The following VIPR2 variants were observed in gnomAD, a reference collection of about 807,000 sequenced individuals.
The protein encoded by VIPR2 is vasoactive intestinal peptide receptor 2.
Under a neutral mutation model 58.0 loss-of-function variants are expected in VIPR2, and 48 were observed. The ratio of observed to expected loss-of-function variants is 0.83; its 90% CI spans 0.66 to 1.05. The LOEUF (loss-of-function observed/expected upper bound fraction) is 1.05, where lower values mean the gene tolerates loss of function less well. VIPR2 is among the 50% of genes least tolerant of loss of function. VIPR2 has a pLI of 0.00. For missense variants in VIPR2, 534 were observed against 558.0 expected, an observed-to-expected ratio of 0.96 and a Z score of 0.43; for synonymous variants, 243 against 235.2, an observed-to-expected ratio of 1.03 and a Z score of -0.30.
chr7:159,103,806 G>T lies in VIPR2; in HGVS notation c.308C>A (p.Pro103Gln). The T allele has an allele frequency of 6.2e-7, 1 of 1,614,136 alleles. No individual in the cohort carries two copies. The highest frequency in any genetic ancestry group is 8.5e-7 in the Non-Finnish European group (1 of 1,180,032). The part of the protein sequence containing the change: ...CTSDGWSETF[P>Q]DFVDACGYSD... ...GTAGCCACAGGCATCGACGAAATCT[G>T]GGAACGTCTCTGACCATCCGTCACT... The change falls in exon 4 of 13, where the codon CCA (proline) becomes CAA (glutamine). Residue 103 changes from proline (P) to glutamine (Q), a missense_variant. By Grantham distance (76) the Pro-to-Gln change is moderately conservative. Transcript: ENST00000262178.
At chr7:159,072,836 T>C (rs2129494618) in intron 4 of VIPR2, among the ~76,000 whole-genome samples, 1 of 152,330 alleles carries the variant, frequency 6.6e-6, no homozygotes, top group South Asian at 2.1e-4. Flanking sequence ...GGAACATTAT[T>C]TTACACATTT....
At chr7:159,072,916 G>A (rs968516347) in intron 4 of VIPR2, among the ~76,000 whole-genome samples, 3 of 152,204 alleles carry the variant, frequency 2.0e-5, no homozygotes, top group African/African-American at 4.8e-5. Context: ...ACATTCTGGG[G>A]CTGTAAACAT....
intron 8 of VIPR2, among the ~76,000 whole-genome samples, chr7:159,035,579 G>A (rs909901255): frequency 6.6e-5 from 10 of 152,234 alleles, no homozygotes; most frequent in South Asian, 4.1e-4. Flanking sequence ...GAAGTGCCGG[G>A]GGGCCCTGCA....
chr7:159,085,924 C>CG (rs1857145676), intron 4 of VIPR2, among the ~76,000 whole-genome samples: 1 of 152,114 alleles, frequency 6.6e-6, no homozygotes, highest in South Asian at 2.1e-4. Context: ...GCTGTGATGG[C>CG]GGGTCCTTGT....
chr7:159,134,246 T>C lies in VIPR2; in HGVS notation c.151+8200A>G, dbSNP rs193029927. Reference sequence around the variant, plus strand: ...ATGCCATTTAATAACTATGATATCATGTACTTCCTAATTCACAGTGCATAT... The same window carrying C: ...ATGCCATTTAATAACTATGATATCACGTACTTCCTAATTCACAGTGCATAT... On this transcript the variant is annotated intron_variant, in intron 2 of 12. Coordinates refer to ENST00000262178, the MANE Select transcript of VIPR2 (RefSeq NM_003382.5). 9.8e-5 allele frequency among the ~76,000 whole-genome samples: 15 copies of C among 152,364 alleles called. No homozygotes were observed. The East Asian group carries it at 1.2e-3, about 12-fold the overall frequency.
chr7:159,096,562 C>T lies in VIPR2; in HGVS notation c.357+7195G>A, dbSNP rs1193413585. On this transcript the variant is annotated intron_variant, in intron 4 of 12. Transcript: ENST00000262178. The surrounding 1 kb of genome is among the most constrained non-coding windows in gnomAD (Gnocchi z 5.5). ...AACTTGGAGACCCAATCGCCATCCC[C>T]AGGCACCAGCGTATCTGTGCATTTC... Among the ~76,000 whole-genome samples, 1 of 152,262 alleles carries T rather than the reference C, an allele frequency of 6.6e-6. No individual in the cohort carries two copies. The highest frequency in any genetic ancestry group is 1.5e-5 in the Non-Finnish European group (1 of 68,046).
At chr7:159,033,050 G>A (rs897683828) in intron 10 of VIPR2, among the ~76,000 whole-genome samples, 19 of 152,056 alleles carry the variant, frequency 1.2e-4, no homozygotes, top group African/African-American at 4.1e-4. Flanking sequence ...TAGATTCTCT[G>A]GTTTACCAGA....
At chr7:159,059,225 A>G (rs1855494069) in intron 4 of VIPR2, 1 of 470,976 alleles carries the variant, frequency 2.1e-6, no homozygotes, top group African/African-American at 2.0e-5. Context: ...TCCTACACAA[A>G]AAGAACTGGG....
At chr7:159,085,373 G>A (rs1423441281) in intron 4 of VIPR2, among the ~76,000 whole-genome samples, 1 of 152,150 alleles carries the variant, frequency 6.6e-6, no homozygotes, top group African/African-American at 2.4e-5. Context: ...TCAGTTTACT[G>A]CAACCTCTGC....
chr7:159,061,147 C>T (rs1032007777), intron 4 of VIPR2, among the ~76,000 whole-genome samples: 3 of 152,006 alleles, frequency 2.0e-5, no homozygotes, highest in Admixed American at 1.3e-4. Flanking sequence ...CCAAATACCA[C>T]GTGTTCTCGT....
rs1797011054 is a variant in VIPR2 at position 159,132,892 on chromosome 7, TCA to T, written c.151+9552_151+9553del. ...AGAATGATTGGCATACAGATTGATT[TCA>T]GACAGAATGATTGGCATACAGATTG... On this transcript the variant is annotated intron_variant, in intron 2 of 12. Coordinates refer to ENST00000262178, the MANE Select transcript of VIPR2 (RefSeq NM_003382.5). 7.3e-4 allele frequency among the ~76,000 whole-genome samples: 92 copies of T among 126,784 alleles called. 3 individuals carry two copies. The highest frequency in any genetic ancestry group is 1.7e-3 in the East Asian group (8 of 4,666). 83.2% of individuals were successfully genotyped at this position (126,784 alleles called of 152,430 possible). A position where few individuals can be genotyped will look rare whatever the true frequency, so the allele number is the denominator to read the frequency against.
intron 2 of VIPR2, among the ~76,000 whole-genome samples, chr7:159,110,124 G>A (rs973781763): frequency 2.6e-5 from 4 of 152,232 alleles, no homozygotes; most frequent in African/African-American, 9.6e-5. Flanking sequence ...AAGCATTTGA[G>A]TACTTCAATG....
intron 2 of VIPR2, among the ~76,000 whole-genome samples, chr7:159,133,514 C>CAA (rs1797073363): frequency 6.6e-6 from 1 of 152,280 alleles, no homozygotes; most frequent in Non-Finnish European, 1.5e-5. Flanking sequence ...TATGTATTAA[C>CAA]AAAAGACTTT....
intron 4 of VIPR2, among the ~76,000 whole-genome samples, chr7:159,069,668 C>T (rs993704599): frequency 2.0e-5 from 3 of 152,104 alleles, no homozygotes; most frequent in Admixed American, 2.0e-4. Context: ...TGTACGGATC[C>T]TTCCTGGTCC....
chr7:159,071,659 T>C (rs765582567), intron 4 of VIPR2, among the ~76,000 whole-genome samples: 13 of 152,222 alleles, frequency 8.5e-5, no homozygotes, highest in Non-Finnish European at 1.3e-4. Flanking sequence ...GAGTTTTCTC[T>C]TTAACTTTAG....
chr7:159,139,641 G>A (rs1447516714), intron 2 of VIPR2, among the ~76,000 whole-genome samples: 8 of 152,226 alleles, frequency 5.3e-5, no homozygotes, highest in Admixed American at 5.2e-4. Context: ...CCTGGTCTAA[G>A]CTGACATTCA....
At chr7:159,070,981 C>A (rs942667753) in intron 4 of VIPR2, among the ~76,000 whole-genome samples, 1 of 152,220 alleles carries the variant, frequency 6.6e-6, no homozygotes. Flanking sequence ...GACTGGCTGA[C>A]TGTGGCTTCA....
At chr7:159,066,365 C>T (rs1328667633) in intron 4 of VIPR2, among the ~76,000 whole-genome samples, 1 of 144,656 alleles carries the variant, frequency 6.9e-6, no homozygotes, top group African/African-American at 2.7e-5. Context: ...TGCCTGTTCC[C>T]ACACCATCCG....
intron 1 of VIPR2, among the ~76,000 whole-genome samples, chr7:159,143,344 C>A (rs1293450412): frequency 6.6e-6 from 1 of 152,124 alleles, no homozygotes. Flanking sequence ...GCTCCCCCCA[C>A]CCATCCTTTT....
Sources: gnomAD v4.1 joint callset for allele counts (sites outside exome capture counted in the v4.1 genomes callset) on GRCh38, gnomAD v4.1.1 for gene constraint, Gnocchi (gnomAD v3.1) non-coding constraint, MANE v1.5 for transcripts, NCBI Gene and HGNC (gene_info 2026-07-23, HGNC 2026-07-21) for gene names.